The following TENM4 variants were observed in gnomAD, a reference collection of about 807,000 sequenced individuals.
TENM4 encodes teneurin-4.
Under a neutral mutation model 243.3 loss-of-function variants are expected in TENM4, and 82 were observed. The ratio of observed to expected loss-of-function variants is 0.34; its 90% CI spans 0.28 to 0.40. The LOEUF (loss-of-function observed/expected upper bound fraction) is 0.40. Among genes scored for constraint, TENM4 ranks in the 10% least tolerant of loss-of-function variants. TENM4 has a pLI of 1.00. For missense variants in TENM4, 3,138 were observed against 3,673.3 expected (o/e 0.85, Z 3.77); for synonymous variants, 1,412 against 1,456.3 (o/e 0.97, Z 0.69).
At chr11:79,283,081 A>G (rs1856185095) in intron 2 of TENM4, among the ~76,000 whole-genome samples, 1 of 152,134 alleles carries the variant, frequency 6.6e-6, no homozygotes, top group African/African-American at 2.4e-5. Flanking sequence ...TTTCCAAAAT[A>G]CAGTCAAGAT....
chr11:79,382,250 T>G (rs553692), intron 1 of TENM4, among the ~76,000 whole-genome samples: 63,649 of 151,936 alleles, frequency 0.42, 13,358 homozygotes, highest in Non-Finnish European at 0.45. Context: ...GAATTGGCAG[T>G]GGCCGTGCCA....
At chr11:79,203,776 G>A (rs886903518) in intron 3 of TENM4, among the ~76,000 whole-genome samples, 2 of 152,156 alleles carry the variant, frequency 1.3e-5, no homozygotes, top group African/African-American at 4.8e-5. Context: ...TATGTCCAAA[G>A]GGCTGACTGT....
At chr11:78,838,763 T>G (rs1037330121) in intron 12 of TENM4, among the ~76,000 whole-genome samples, 1 of 152,186 alleles carries the variant, frequency 6.6e-6, no homozygotes, top group African/African-American at 2.4e-5. Flanking sequence ...TTTGGTCTTC[T>G]AATTTTTTAA....
intron 6 of TENM4, among the ~76,000 whole-genome samples, chr11:79,064,052 CAAGTT>C (rs1860172577): frequency 6.7e-6 from 1 of 150,230 alleles, no homozygotes; most frequent in African/African-American, 2.4e-5. Context: ...ACGATTAAAT[CAAGTT>C]AATTAACATA....
At chr11:78,761,130 G>T (rs1203775520) in intron 18 of TENM4, among the ~76,000 whole-genome samples, 1 of 151,906 alleles carries the variant, frequency 6.6e-6, no homozygotes, top group Admixed American at 6.6e-5. Flanking sequence ...TCTAGCTCAT[G>T]GTCAATCATT....
intron 1 of TENM4, among the ~76,000 whole-genome samples, chr11:79,419,309 C>T (rs972532591): frequency 6.6e-6 from 1 of 152,210 alleles, no homozygotes; most frequent in Admixed American, 6.5e-5. Flanking sequence ...TGACTCACCT[C>T]ACTGCTTATA....
intron 6 of TENM4, among the ~76,000 whole-genome samples, chr11:79,013,518 G>A (rs895427905): frequency 6.6e-6 from 1 of 152,152 alleles, no homozygotes; most frequent in Non-Finnish European, 1.5e-5. Context: ...ATGGGTGCAG[G>A]CCTGGCGCAG....
chr11:78,843,503 A>C lies in TENM4; in HGVS notation c.1681+10601T>G, dbSNP rs185596677. Among the ~76,000 whole-genome samples the C allele has an allele frequency of 4.6e-3, 698 of 152,278 alleles. 5 individuals are homozygous for C. Among genetic ancestry groups the C allele is most frequent in the African/African-American group, 0.016 (660 of 41,550 alleles). On this transcript the variant is annotated intron_variant, in intron 12 of 33. Coordinates refer to ENST00000278550, the MANE Select transcript of TENM4 (RefSeq NM_001098816.3). ...CCCTGTTGCTAAAAAACAAAAAAAAACAAGAAATAGTTTATGTTAAATATC... is the reference window on the plus strand; with the variant it reads ...CCCTGTTGCTAAAAAACAAAAAAAACCAAGAAATAGTTTATGTTAAATATC...
intron 3 of TENM4, among the ~76,000 whole-genome samples, chr11:79,170,840 A>G (rs1459454963): frequency 1.3e-5 from 2 of 152,168 alleles, no homozygotes; most frequent in African/African-American, 4.8e-5. Context: ...CAGGAGTAGG[A>G]GCCGGAGAGA....
intron 6 of TENM4, among the ~76,000 whole-genome samples, chr11:78,978,915 G>A (rs1192570135): frequency 6.6e-6 from 1 of 152,080 alleles, no homozygotes; most frequent in Non-Finnish European, 1.5e-5. Context: ...AAAGCTTCTC[G>A]GTGTTTCTTG....
At chr11:79,107,059 A>AAGTTACTCTTTCTATCATCCCCATTTT (rs1218104027) in intron 4 of TENM4, among the ~76,000 whole-genome samples, 1 of 152,114 alleles carries the variant, frequency 6.6e-6, no homozygotes, top group East Asian at 1.9e-4. Context: ...TCCTAGGAGG[A>AAGTTACTCTTTCTATCATCCCCATTTT]AGTTACTCTT....
chr11:79,333,963 A>G (rs482711), intron 1 of TENM4, among the ~76,000 whole-genome samples: 52,439 of 151,942 alleles, frequency 0.35, 9,570 homozygotes, highest in South Asian at 0.53. Context: ...GAAAAGGGCT[A>G]TTGCTGTGGA....
At chr11:79,144,655 ATGT>A in intron 4 of TENM4, among the ~76,000 whole-genome samples, 1 of 152,080 alleles carries the variant, frequency 6.6e-6, no homozygotes, top group Non-Finnish European at 1.5e-5. Flanking sequence ...GGAGGATATT[ATGT>A]TAAGCAAAAT....
chr11:78,939,068 A>T (rs1216323431), intron 6 of TENM4, among the ~76,000 whole-genome samples: 1 of 152,172 alleles, frequency 6.6e-6, no homozygotes, highest in Admixed American at 6.5e-5. Context: ...TTGATTCCAC[A>T]CGGCTGCAGT....
chr11:78,871,103 T>C (rs1043531876), intron 9 of TENM4, among the ~76,000 whole-genome samples: 5 of 152,076 alleles, frequency 3.3e-5, no homozygotes, highest in Non-Finnish European at 7.4e-5. Flanking sequence ...GTCAAGAAAA[T>C]GGCTGTGAAG....
At chr11:78,699,585 T>C (rs1246303532) in intron 28 of TENM4, among the ~76,000 whole-genome samples, 1 of 152,254 alleles carries the variant, frequency 6.6e-6, no homozygotes, top group Non-Finnish European at 1.5e-5. Flanking sequence ...TTAACAAGGA[T>C]AACCACTCTT....
chr11:79,041,682 G>T (rs1360589437), intron 6 of TENM4, among the ~76,000 whole-genome samples: 3 of 152,114 alleles, frequency 2.0e-5, no homozygotes, highest in Non-Finnish European at 4.4e-5. Flanking sequence ...AAGATGAAAA[G>T]GTGTCAAATC....
chr11:79,283,862 A>G (rs1856202345), intron 2 of TENM4, among the ~76,000 whole-genome samples: 1 of 152,216 alleles, frequency 6.6e-6, no homozygotes, highest in Non-Finnish European at 1.5e-5. Context: ...AGCAAGTTTG[A>G]AGGATACCAG....
intron 22 of TENM4, among the ~76,000 whole-genome samples, chr11:78,726,652 C>T (rs1431585177): frequency 1.3e-5 from 2 of 152,088 alleles, no homozygotes; most frequent in African/African-American, 4.8e-5. Context: ...CCTCTTGGTG[C>T]TGTTCTCATC....
Sources: allele counts gnomAD v4.1 joint callset (sites outside exome capture counted in the v4.1 genomes callset), GRCh38; gene constraint gnomAD v4.1.1; transcripts MANE v1.5; gene names NCBI Gene and HGNC (gene_info 2026-07-23, HGNC 2026-07-21).